The following NANOS1 variants were observed in gnomAD, a reference collection of about 807,000 sequenced individuals.
NANOS1 encodes nanos homolog 1.
NANOS1 carries 1 observed loss-of-function variant against 1.1 expected under a neutral mutation model. The ratio of observed to expected loss-of-function variants is 0.88; its 90% CI spans 0.31 to 4.20. NANOS1 has a LOEUF of 4.20. Among genes scored for constraint, NANOS1 ranks in the 30% most tolerant of loss-of-function variants. The pLI is 0.17. For synonymous variants in NANOS1, 252 were observed against 230.6 expected, an observed-to-expected ratio of 1.09 and a Z score of -0.84; for missense variants, 537 against 457.9, an observed-to-expected ratio of 1.17 and a Z score of -1.58.
rs554229185 is a variant in NANOS1, at chr10:119,033,558, C to A, written c.*2878C>A. 1 of 167,144 alleles carries A rather than the reference C, an allele frequency of 6.0e-6. No homozygotes were observed. The highest frequency in any genetic ancestry group is 2.1e-4 in the South Asian group (1 of 4,828). The allele number at this position is 167,144 out of a possible 1,614,324, so 10.4% of individuals were successfully genotyped here. ...GAGGTACAGATTGTCTTAACCTGTT[C>A]TTTTCTGTACAGACTTAAAATTTCT... On this transcript the variant is annotated 3_prime_UTR_variant, in exon 1 of 1. Coordinates refer to ENST00000425699, the MANE Select transcript of NANOS1 (RefSeq NM_199461.4).
In NANOS1 at chr10:119,030,157, G is replaced by T; in HGVS notation, c.356G>T (p.Arg119Leu). 1 of 1,356,932 alleles carries T rather than the reference G, an allele frequency of 7.4e-7. No homozygotes were observed. The highest frequency in any genetic ancestry group is 3.6e-5 in the Admixed American group (1 of 27,830). 84.1% of individuals were successfully genotyped at this position (1,356,932 alleles called of 1,614,324 possible). The change falls in exon 1 of 1, where the codon CGG becomes CTG. Residue 119 changes from arginine (R) to leucine (L), a missense_variant. Coordinates refer to ENST00000425699, the MANE Select transcript of NANOS1 (RefSeq NM_199461.4). This position sits in a 1 kb window ranked among gnomAD's most constrained non-coding sequence, Gnocchi z 5.3. ...GACGACAGCGACGAGCCGGGGTCCC[G>T]GGGCCGCTACCTGGGGAGCGCGCTG... ...DDDDSDEPGS[R>L]GRYLGSALEL...
chr10:119,030,759 G>A lies in NANOS1; in HGVS notation c.*79G>A. Reference sequence around the variant, plus strand: ...CTGCGCACCATCTCGCCCCCGCCGTGGGGAGGCGTGCGGCTCAGCGGTCGG... The same window carrying A: ...CTGCGCACCATCTCGCCCCCGCCGTAGGGAGGCGTGCGGCTCAGCGGTCGG... On this transcript the variant is annotated 3_prime_UTR_variant, in exon 1 of 1. Transcript: ENST00000425699. The surrounding 1 kb of genome is among the most constrained non-coding windows in gnomAD (Gnocchi z 5.3). The A allele has an allele frequency of 8.0e-7, 1 of 1,242,476 alleles. No individual in the cohort carries two copies. Among genetic ancestry groups the A allele is most frequent in the Non-Finnish European group, 1.0e-6 (1 of 987,764 alleles). The allele number at this position is 1,242,476 out of a possible 1,614,324, so 77.0% of individuals were successfully genotyped here. A position where few individuals can be genotyped will look rare whatever the true frequency, so the allele number is the denominator to read the frequency against.
rs145369140 is a variant in NANOS1, at chr10:119,030,733, T to TC, written c.*54dup. On this transcript the variant is annotated 3_prime_UTR_variant, in exon 1 of 1. Coordinates refer to ENST00000425699, the MANE Select transcript of NANOS1 (RefSeq NM_199461.4). This position sits in a 1 kb window ranked among gnomAD's most constrained non-coding sequence, Gnocchi z 5.3. ...CGCCGCCGCCCCTCGCACCGCTAGGTCTGCGCACCATCTCGCCCCCGCCGT... is the reference window on the plus strand; with the variant it reads ...CGCCGCCGCCCCTCGCACCGCTAGGTCCTGCGCACCATCTCGCCCCCGCCGT... 7,009 of 1,254,520 alleles carry TC rather than the reference T, an allele frequency of 5.6e-3. 287 individuals carry two copies. In the African/African-American group the frequency reaches 0.09, roughly 16 times the overall value. The allele number at this position is 1,254,520 out of a possible 1,614,324, so 77.7% of individuals were successfully genotyped here.
Position 119,029,978 on chromosome 10 carries a change from C to T in NANOS1, c.177C>T (p.Gly59=), listed in dbSNP as rs1848016208. The T allele has an allele frequency of 7.1e-7, 1 of 1,410,908 alleles. No individual in the cohort carries two copies. The highest frequency in any genetic ancestry group is 1.5e-5 in the South Asian group (1 of 67,240). The allele number at this position is 1,410,908 out of a possible 1,614,324, so 87.4% of individuals were successfully genotyped here. A position where few individuals can be genotyped will look rare whatever the true frequency, so the allele number is the denominator to read the frequency against. ...CGCTCATCACCAAAGCGGTGGACGG[C>T]GAGCCGCGCTTCGGCTGCGCCCGCG... is the stretch of plus-strand genomic sequence containing the variant. ...LATLITKAVD[G]EPRFGCARGG... Residue 59 remains glycine (G), a synonymous_variant, in exon 1 of 1, where the codon GGC becomes GGT. Coordinates refer to ENST00000425699, the MANE Select transcript of NANOS1 (RefSeq NM_199461.4).
chr10:119,030,000 C>T lies in NANOS1; in HGVS notation c.199C>T (p.Arg67Cys), dbSNP rs1178858342. 2.8e-6 allele frequency: 4 copies of T among 1,414,182 alleles called. No homozygotes were observed. The highest frequency in any genetic ancestry group is 1.5e-5 in the South Asian group (1 of 68,924). The allele number at this position is 1,414,182 out of a possible 1,614,324, so 87.6% of individuals were successfully genotyped here. The change falls in exon 1 of 1, where the codon CGC (arginine) becomes TGC (cysteine). Residue 67 changes from arginine (R) to cysteine (C), a missense_variant. Arg to Cys is a radical substitution (Grantham distance 180). Coordinates refer to ENST00000425699, the MANE Select transcript of NANOS1 (RefSeq NM_199461.4). ...VDGEPRFGCA[R>C]GGNGGGGSPP... Reference sequence around the variant, plus strand: ...CGGCGAGCCGCGCTTCGGCTGCGCCCGCGGTGGGAACGGCGGCGGCGGCTC... The same window carrying T: ...CGGCGAGCCGCGCTTCGGCTGCGCCTGCGGTGGGAACGGCGGCGGCGGCTC...
In NANOS1 at chr10:119,031,592, TATG is replaced by T. The variant is rs1193422710; in HGVS notation, c.*915_*917del. The T allele has an allele frequency of 1.8e-5, 3 of 166,890 alleles. No homozygotes were observed. The highest frequency in any genetic ancestry group is 4.8e-5 in the African/African-American group (2 of 41,444). The allele number at this position is 166,890 out of a possible 1,614,324, so 10.3% of individuals were successfully genotyped here. ...CCTCTTCCAGTTCTTTAAAAACGTT[TATG>T]ATATTAAGATCAAAGGGAGGAAGGG... is the stretch of plus-strand genomic sequence containing the variant. On this transcript the variant is annotated 3_prime_UTR_variant, in exon 1 of 1. Coordinates refer to ENST00000425699, the MANE Select transcript of NANOS1 (RefSeq NM_199461.4).
chr10:119,030,113 C>G lies in NANOS1; in HGVS notation c.312C>G (p.Asp104Glu). The G allele has an allele frequency of 7.5e-7, 1 of 1,331,288 alleles. No homozygotes were observed. Among genetic ancestry groups the G allele is most frequent in the Non-Finnish European group, 9.6e-7 (1 of 1,046,032 alleles). 82.5% of individuals were successfully genotyped at this position (1,331,288 alleles called of 1,614,324 possible). A position where few individuals can be genotyped will look rare whatever the true frequency, so the allele number is the denominator to read the frequency against. The change falls in exon 1 of 1, where the codon GAC (aspartate) becomes GAG (glutamate). Residue 104 changes from aspartate to glutamate, a missense_variant. Coordinates refer to ENST00000425699, the MANE Select transcript of NANOS1 (RefSeq NM_199461.4). The surrounding 1 kb of genome is among the most constrained non-coding windows in gnomAD (Gnocchi z 5.3). ...TGGGGCCGGCGCTGGGGCCGCCCGA[C>G]TACGACGAGGACGACGACGACGACA... The part of the protein sequence containing the change: ...GALGPALGPP[D>E]YDEDDDDDSD...
At position 119,032,308 on chromosome 10, in the gene NANOS1, T is replaced by A. The variant is rs1848063184; in HGVS notation, c.*1628T>A. 1 of 166,944 alleles carries A rather than the reference T, an allele frequency of 6.0e-6. No individual in the cohort carries two copies. The highest frequency in any genetic ancestry group is 1.5e-5 in the Non-Finnish European group (1 of 68,124). 10.3% of individuals were successfully genotyped at this position (166,944 alleles called of 1,614,324 possible). On this transcript the variant is annotated 3_prime_UTR_variant, in exon 1 of 1. Coordinates refer to ENST00000425699, the MANE Select transcript of NANOS1 (RefSeq NM_199461.4). ...TCTTTTTGGTGAAAGAAAAGGTGCATTTCAAGAACTTGGGGGGCAGGAGGA... is the reference window on the plus strand; with the variant it reads ...TCTTTTTGGTGAAAGAAAAGGTGCAATTCAAGAACTTGGGGGGCAGGAGGA...
Position 119,030,533 on chromosome 10 carries a change from G to A in NANOS1, c.732G>A (p.Leu244=). 2 of 1,525,626 alleles carry A rather than the reference G, an allele frequency of 1.3e-6. No individual in the cohort carries two copies. The highest frequency in any genetic ancestry group is 1.8e-6 in the Non-Finnish European group (2 of 1,140,716). The allele number at this position is 1,525,626 out of a possible 1,614,324, so 94.5% of individuals were successfully genotyped here. A position where few individuals can be genotyped will look rare whatever the true frequency, so the allele number is the denominator to read the frequency against. The change falls in exon 1 of 1, where the codon CTG becomes CTA. Residue 244 remains leucine, a synonymous_variant. Coordinates refer to ENST00000425699, the MANE Select transcript of NANOS1 (RefSeq NM_199461.4). This position sits in a 1 kb window ranked among gnomAD's most constrained non-coding sequence, Gnocchi z 5.3. ...ACGGGCGAGTGCTGTGTCCCGTGCTGCGCCGCTACACGTGTCCCCTGTGCG... is the reference window on the plus strand; with the variant it reads ...ACGGGCGAGTGCTGTGTCCCGTGCTACGCCGCTACACGTGTCCCCTGTGCG... The part of the protein sequence containing the change: ...GPDGRVLCPV[L]RRYTCPLCGA...
In NANOS1 at chr10:119,030,076, G is replaced by A. The variant is rs1206610105; in HGVS notation, c.275G>A (p.Gly92Glu). The change falls in exon 1 of 1, where the codon GGG becomes GAG. Residue 92 changes from glycine (G) to glutamate (E), a missense_variant. By Grantham distance (98) the Gly-to-Glu change is moderately conservative. Transcript: ENST00000425699. This position sits in a 1 kb window ranked among gnomAD's most constrained non-coding sequence, Gnocchi z 5.3. ...TGCTGCTCCCCCCACACGGGGGCCGGGCCTGGGGCGCTGGGGCCGGCGCTG... is the reference window on the plus strand; with the variant it reads ...TGCTGCTCCCCCCACACGGGGGCCGAGCCTGGGGCGCTGGGGCCGGCGCTG... Reference protein sequence around the residue: ...SSCCSPHTGAGPGALGPALGP... With the variant: ...SSCCSPHTGAEPGALGPALGP... 12 of 1,318,574 alleles carry A rather than the reference G, an allele frequency of 9.1e-6. No individual in the cohort carries two copies. The African/African-American group carries it at 1.2e-4, about 14-fold the overall frequency. The allele number at this position is 1,318,574 out of a possible 1,614,324, so 81.7% of individuals were successfully genotyped here. A position where few individuals can be genotyped will look rare whatever the true frequency, so the allele number is the denominator to read the frequency against.
chr10:119,030,417 C>A lies in NANOS1; in HGVS notation c.616C>A (p.Leu206Met). 1 of 1,391,048 alleles carries A rather than the reference C, an allele frequency of 7.2e-7. No individual in the cohort carries two copies. Among genetic ancestry groups the A allele is most frequent in the Admixed American group, 2.2e-5 (1 of 44,746 alleles). 86.2% of individuals were successfully genotyped at this position (1,391,048 alleles called of 1,614,324 possible). A position where few individuals can be genotyped will look rare whatever the true frequency, so the allele number is the denominator to read the frequency against. The change falls in exon 1 of 1, where the codon CTG becomes ATG. Residue 206 changes from leucine (L) to methionine (M), a missense_variant. Leu to Met is a conservative substitution (Grantham distance 15). Transcript: ENST00000425699. This position sits in a 1 kb window ranked among gnomAD's most constrained non-coding sequence, Gnocchi z 5.3. ...HAASGAAAAR[L>M]LKPELQVCVF... Reference sequence around the variant, plus strand: ...GGCCTCCGGGGCGGCGGCCGCCCGGCTGCTGAAGCCCGAGCTGCAGGTGTG... The same window carrying A: ...GGCCTCCGGGGCGGCGGCCGCCCGGATGCTGAAGCCCGAGCTGCAGGTGTG...
rs1848055410 is a variant in NANOS1, at chr10:119,031,908, ACC to A, written c.*1230_*1231del. The A allele has an allele frequency of 6.0e-6, 1 of 167,088 alleles. No individual in the cohort carries two copies. Among genetic ancestry groups the A allele is most frequent in the Non-Finnish European group, 1.5e-5 (1 of 68,118 alleles). The allele number at this position is 167,088 out of a possible 1,614,324, so 10.4% of individuals were successfully genotyped here. A position where few individuals can be genotyped will look rare whatever the true frequency, so the allele number is the denominator to read the frequency against. On this transcript the variant is annotated 3_prime_UTR_variant, in exon 1 of 1. Transcript: ENST00000425699. The stretch of plus-strand genomic sequence containing the variant: ...TCGGTTTCCGGAACCCCACCAGTTT[ACC>A]CATAAGCAAGACTAAACCTGATCCT...
Position 119,032,247 on chromosome 10 carries a change from G to C in NANOS1, c.*1567G>C, listed in dbSNP as rs1216447379. ...ACTCAATCAGGAACCTTCATTTGAA[G>C]GTGTGTTAGAGGATGGGGTAAATAC... is the stretch of plus-strand genomic sequence containing the variant. On this transcript the variant is annotated 3_prime_UTR_variant, in exon 1 of 1. Transcript: ENST00000425699. 1.2e-5 allele frequency: 2 copies of C among 162,248 alleles called. No homozygotes were observed. Among genetic ancestry groups the C allele is most frequent in the Non-Finnish European group, 3.0e-5 (2 of 65,852 alleles). The allele number at this position is 162,248 out of a possible 1,614,324, so 10.1% of individuals were successfully genotyped here.
Position 119,030,308 on chromosome 10 carries a change from C to T in NANOS1, c.507C>T (p.Ala169=). The T allele has an allele frequency of 8.8e-7, 1 of 1,138,630 alleles. No homozygotes were observed. Among genetic ancestry groups the T allele is most frequent in the Admixed American group, 4.9e-5 (1 of 20,430 alleles). The allele number at this position is 1,138,630 out of a possible 1,614,324, so 70.5% of individuals were successfully genotyped here. The change falls in exon 1 of 1, where the codon GCC becomes GCT. Residue 169 remains alanine (A), a synonymous_variant. Transcript: ENST00000425699. The surrounding 1 kb of genome is among the most constrained non-coding windows in gnomAD (Gnocchi z 5.3). The stretch of plus-strand genomic sequence containing the variant: ...TGCTGCTGGGCTGCGCGCCCGCCGC[C>T]GCCGCCGCCGCCACCACCACCAGCG... ...AAVLLGCAPA[A]AAAATTTSEA... is the part of the protein sequence containing the mutation.
rs996526531 is a variant in NANOS1 at position 119,032,329 on chromosome 10, G to A, written c.*1649G>A. 1 of 166,930 alleles carries A rather than the reference G, an allele frequency of 6.0e-6. No homozygotes were observed. The highest frequency in any genetic ancestry group is 2.4e-5 in the African/African-American group (1 of 41,452). 10.3% of individuals were successfully genotyped at this position (166,930 alleles called of 1,614,324 possible). ...TGCATTTCAAGAACTTGGGGGGCAGGAGGAAAGCACAATGTTTCTTAGCCA... is the reference window on the plus strand; with the variant it reads ...TGCATTTCAAGAACTTGGGGGGCAGAAGGAAAGCACAATGTTTCTTAGCCA... On this transcript the variant is annotated 3_prime_UTR_variant, in exon 1 of 1. Transcript: ENST00000425699.
chr10:119,030,206 C>T lies in NANOS1; in HGVS notation c.405C>T (p.Cys135=), dbSNP rs776470627. 1 of 1,297,232 alleles carries T rather than the reference C, an allele frequency of 7.7e-7. No homozygotes were observed. The highest frequency in any genetic ancestry group is 9.7e-7 in the Non-Finnish European group (1 of 1,027,496). The allele number at this position is 1,297,232 out of a possible 1,614,324, so 80.4% of individuals were successfully genotyped here. The change falls in exon 1 of 1, where the codon TGC becomes TGT. Residue 135 remains cysteine (C), a synonymous_variant. Transcript: ENST00000425699. The surrounding 1 kb of genome is among the most constrained non-coding windows in gnomAD (Gnocchi z 5.3). ...TGGAATTGCGCGCGCTGGAGCTGTG[C>T]GCGGGCCCCGCCGAGGCCGGGCTGC... ...SALELRALEL[C]AGPAEAGLLE... is the part of the protein sequence containing the mutation.
In NANOS1 at chr10:119,031,710, T is replaced by C. The variant is rs1348381152; in HGVS notation, c.*1030T>C. ...TTCCAGCTGTTGCCTGTCAAACAAA[T>C]AGAAGATGGATCTCTAGCTCTGAGC... On this transcript the variant is annotated 3_prime_UTR_variant, in exon 1 of 1. Transcript: ENST00000425699. 6.0e-6 allele frequency: 1 copy of C among 167,020 alleles called. No homozygotes were observed. Among genetic ancestry groups the C allele is most frequent in the Non-Finnish European group, 1.5e-5 (1 of 68,102 alleles). The allele number at this position is 167,020 out of a possible 1,614,324, so 10.3% of individuals were successfully genotyped here. A position where few individuals can be genotyped will look rare whatever the true frequency, so the allele number is the denominator to read the frequency against.
At position 119,030,595 on chromosome 10, in the gene NANOS1, G is replaced by T. The variant is rs761077907; in HGVS notation, c.794G>T (p.Cys265Phe). Residue 265 changes from cysteine to phenylalanine, a missense_variant, in exon 1 of 1, where the codon TGC becomes TTC. Transcript: ENST00000425699. This position sits in a 1 kb window ranked among gnomAD's most constrained non-coding sequence, Gnocchi z 5.3. Reference protein sequence around the residue: ...SGDNAHTIKYCPLSKVPPPPA... With the variant: ...SGDNAHTIKYFPLSKVPPPPA... ...GACAACGCGCACACCATCAAGTACT[G>T]CCCGCTCTCCAAAGTGCCGCCGCCG... 6.6e-7 allele frequency: 1 copy of T among 1,505,448 alleles called. No individual in the cohort carries two copies. Among genetic ancestry groups the T allele is most frequent in the Non-Finnish European group, 8.8e-7 (1 of 1,130,320 alleles). 93.3% of individuals were successfully genotyped at this position (1,505,448 alleles called of 1,614,324 possible).
chr10:119,030,561 G>A lies in NANOS1; in HGVS notation c.760G>A (p.Ala254Thr). Residue 254 changes from alanine (A) to threonine (T), a missense_variant, in exon 1 of 1, where the codon GCC (alanine) becomes ACC (threonine). Ala to Thr is a moderately conservative substitution (Grantham distance 58). Coordinates refer to ENST00000425699, the MANE Select transcript of NANOS1 (RefSeq NM_199461.4). The surrounding 1 kb of genome is among the most constrained non-coding windows in gnomAD (Gnocchi z 5.3). ...CCGCTACACGTGTCCCCTGTGCGGC[G>A]CCAGCGGCGACAACGCGCACACCAT... is the stretch of plus-strand genomic sequence containing the variant. ...LRRYTCPLCGASGDNAHTIKY... is the reference protein window; with the variant it reads ...LRRYTCPLCGTSGDNAHTIKY... The A allele has an allele frequency of 2.6e-6, 4 of 1,529,348 alleles. No homozygotes were observed. Among genetic ancestry groups the A allele is most frequent in the East Asian group, 2.7e-5 (1 of 37,614 alleles). 94.7% of individuals were successfully genotyped at this position (1,529,348 alleles called of 1,614,324 possible).
Sources: gnomAD v4.1 joint callset for allele counts on GRCh38, gnomAD v4.1.1 for gene constraint, Gnocchi (gnomAD v3.1) non-coding constraint, MANE v1.5 for transcripts, NCBI Gene and HGNC (gene_info 2026-07-23, HGNC 2026-07-21) for gene names.